The following AK5 variants were observed in gnomAD, a reference collection of about 807,000 sequenced individuals.
AK5 encodes the protein adenylate kinase isoenzyme 5.
A neutral mutation model predicts 69.5 loss-of-function variants in AK5; 27 were observed. That is an observed-to-expected ratio of 0.39 (90% confidence interval 0.29 to 0.54). AK5 has a LOEUF of 0.54. Ranked by LOEUF, AK5 falls within the 20% of genes least tolerant of loss-of-function variation. The pLI is 0.71. For missense variants in AK5, 531 were observed against 700.4 expected, an observed-to-expected ratio of 0.76 and a Z score of 2.73; for synonymous variants, 260 against 244.4, an observed-to-expected ratio of 1.06 and a Z score of -0.60.
chr1:77,497,089 T>G (rs1656365489), intron 10 of AK5, among the ~76,000 whole-genome samples: 1 of 152,210 alleles, frequency 6.6e-6, no homozygotes, highest in Non-Finnish European at 1.5e-5. Flanking sequence ...ACTTTTTGGG[T>G]CTGCACTGCC....
At chr1:77,554,912 A>G (rs570421750) in intron 13 of AK5, among the ~76,000 whole-genome samples, 4 of 150,990 alleles carry the variant, frequency 2.6e-5, no homozygotes, top group Non-Finnish European at 5.9e-5. Context: ...CACCATGCCC[A>G]GCCTCTGCGG....
intron 5 of AK5, chr1:77,314,598 T>TAGCA (rs1660150152): frequency 1.3e-5 from 2 of 152,138 alleles, no homozygotes; most frequent in Admixed American, 1.3e-4. Flanking sequence ...TCAGGGTGAT[T>TAGCA]AGCATATCCA....
chr1:77,287,422 T>C (rs1276902737), intron 2 of AK5, among the ~76,000 whole-genome samples: 3 of 152,248 alleles, frequency 2.0e-5, no homozygotes, highest in Non-Finnish European at 2.9e-5. Flanking sequence ...TTCCTTAAAA[T>C]TGCAAACAAG....
At chr1:77,524,883 AGG>A (rs1255419659) in intron 12 of AK5, among the ~76,000 whole-genome samples, 26 of 152,010 alleles carry the variant, frequency 1.7e-4, no homozygotes, top group African/African-American at 6.3e-4. Context: ...TTATATATTT[AGG>A]TATTTTGATC....
chr1:77,488,904 C>CCA (rs56088263), intron 10 of AK5, among the ~76,000 whole-genome samples: 142,139 of 152,166 alleles, frequency 0.93, 66,628 homozygotes, highest in East Asian at 1. Flanking sequence ...CCAATCAAGT[C>CCA]CACTCAGTAT....
intron 6 of AK5, among the ~76,000 whole-genome samples, chr1:77,342,643 CAT>C (rs966253111): frequency 2.6e-4 from 40 of 152,258 alleles, no homozygotes; most frequent in East Asian, 1.9e-3. Context: ...AGAAGCAAAA[CAT>C]GTGTCCTCTT....
At chr1:77,475,457 AATATATATTATATATGT>A (rs1654857350) in intron 8 of AK5, among the ~76,000 whole-genome samples, 2 of 5,180 alleles carry the variant, frequency 3.9e-4, no homozygotes, top group East Asian at 8.9e-3. Context: ...TATATATACA[AATATATATTATATATGT>A]ATATATATTA....
At chr1:77,403,922 C>T (rs991866790) in intron 6 of AK5, among the ~76,000 whole-genome samples, 5 of 152,104 alleles carry the variant, frequency 3.3e-5, no homozygotes, top group African/African-American at 9.7e-5. Context: ...ATTCTTCCTA[C>T]CCATGAGCAT....
At chr1:77,296,309 T>G (rs980266777) in intron 3 of AK5, among the ~76,000 whole-genome samples, 6 of 152,232 alleles carry the variant, frequency 3.9e-5, no homozygotes, top group African/African-American at 1.4e-4. Flanking sequence ...TGGACCCTAA[T>G]ATTTATAAGT....
At position 77,423,078 on chromosome 1, in the gene AK5, G is replaced by A. The variant is rs572545628; in HGVS notation, c.1059+5363G>A. ...AAAATACAAAAACAAAAAATTAGCC[G>A]GGCGTGGTGGTGGGCACCTGTAGTC... is the stretch of plus-strand genomic sequence containing the variant. On this transcript the variant is annotated intron_variant, in intron 8 of 13. Coordinates refer to ENST00000354567, the MANE Select transcript of AK5 (RefSeq NM_174858.3). 1.8e-4 allele frequency among the ~76,000 whole-genome samples: 28 copies of A among 152,024 alleles called. No individual in the cohort carries two copies. The South Asian group carries it at 1.9e-3, about 10-fold the overall frequency.
At chr1:77,287,150 G>A in intron 2 of AK5, 23 bp downstream of exon 2, 3 of 1,478,416 alleles carry the variant, frequency 2.0e-6, no homozygotes, top group East Asian at 2.5e-5. Flanking sequence ...GAGAATAATA[G>A]ACAGTTTTAT....
chr1:77,385,350 G>A (rs1405241470), intron 6 of AK5, among the ~76,000 whole-genome samples: 2 of 151,930 alleles, frequency 1.3e-5, no homozygotes, highest in Admixed American at 6.6e-5. Flanking sequence ...TAGTAGAGAG[G>A]GGGTTTCACC....
chr1:77,388,154 A>G (rs1412320689), intron 6 of AK5, among the ~76,000 whole-genome samples: 1 of 152,232 alleles, frequency 6.6e-6, no homozygotes, highest in East Asian at 1.9e-4. Context: ...AAGAGACTCA[A>G]GGTTTGAATT....
intron 8 of AK5, among the ~76,000 whole-genome samples, chr1:77,470,354 A>C (rs777920914): frequency 1.2e-4 from 19 of 152,012 alleles, no homozygotes; most frequent in Admixed American, 2.6e-4. Flanking sequence ...AAAATACAAA[A>C]ATTAGCCAGG....
At chr1:77,346,842 C>A (rs1351822512) in intron 6 of AK5, among the ~76,000 whole-genome samples, 1 of 152,142 alleles carries the variant, frequency 6.6e-6, no homozygotes, top group Non-Finnish European at 1.5e-5. Context: ...CAGCAACCCA[C>A]CTAAACATAA....
intron 8 of AK5, among the ~76,000 whole-genome samples, chr1:77,481,363 G>A (rs1004904450): frequency 6.6e-6 from 1 of 152,200 alleles, no homozygotes; most frequent in African/African-American, 2.4e-5. Context: ...CAAGGGAAGT[G>A]GTGGAGAGGC....
intron 8 of AK5, among the ~76,000 whole-genome samples, chr1:77,479,234 C>A (rs569074956): frequency 2.4e-4 from 28 of 115,646 alleles, no homozygotes; most frequent in African/African-American, 8.5e-4. Context: ...GGCGGAATTT[C>A]GCTCTTGTTG....
Position 77,293,790 on chromosome 1 carries a change from C to T in AK5, c.248-3C>T. 6.3e-7 allele frequency: 1 copy of T among 1,595,876 alleles called. No individual in the cohort carries two copies. The highest frequency in any genetic ancestry group is 8.5e-7 in the Non-Finnish European group (1 of 1,172,814). On this transcript the variant is annotated splice_region_variant and splice_polypyrimidine_tract_variant and intron_variant, in intron 2 of 13. Coordinates refer to ENST00000354567, the MANE Select transcript of AK5 (RefSeq NM_174858.3). ...TTTTCAAAGTTATCTTACTCTTTTG[C>T]AGTAATGCCTGAAAACTCAAACTTT...
At chr1:77,412,981 C>T (rs1203080592) in intron 7 of AK5, among the ~76,000 whole-genome samples, 1 of 151,100 alleles carries the variant, frequency 6.6e-6, no homozygotes, top group Non-Finnish European at 1.5e-5. Context: ...TCCTGTCTGT[C>T]ATGAATGTCC....
Sources: allele counts gnomAD v4.1 joint callset (sites outside exome capture counted in the v4.1 genomes callset), GRCh38; gene constraint gnomAD v4.1.1; transcripts MANE v1.5; gene names NCBI Gene and HGNC (gene_info 2026-07-23, HGNC 2026-07-21).